SATL1: variants seen among roughly 807,000 people sequenced by gnomAD.
SATL1 encodes the protein spermidine/spermine N(1)-acetyltransferase-like protein 1.
A neutral mutation model predicts 51.8 loss-of-function variants in SATL1; 47 were observed. That is an observed-to-expected ratio of 0.91 (90% confidence interval 0.72 to 1.16). The LOEUF (loss-of-function observed/expected upper bound fraction) is 1.16, where lower values mean the gene tolerates loss of function less well. Among genes scored for constraint, SATL1 ranks in the 50% most tolerant of loss-of-function variants. The pLI, the probability that SATL1 is intolerant of heterozygous loss-of-function variation, is 0.00. For missense variants in SATL1, 520 were observed against 526.4 expected (o/e 0.99, Z 0.12); for synonymous variants, 176 against 182.4 (o/e 0.97, Z 0.28).
At chrX:85,147,550 C>T (rs1383032010) in intron 2 of SATL1, among the ~76,000 whole-genome samples, 1 of 113,029 alleles carries the variant, frequency 8.8e-6, no homozygotes, top group Non-Finnish European at 1.9e-5. Context: ...GACCCCCGAG[C>T]AGCCTAACTA....
chrX:85,213,777 T>C (rs781405929), intron 2 of SATL1, among the ~76,000 whole-genome samples: 1 of 111,641 alleles, frequency 9.0e-6, no homozygotes, highest in South Asian at 3.7e-4. Flanking sequence ...ATATATCATC[T>C]ATGAGGACAA....
At chrX:85,170,278 T>C (rs1181851999) in intron 2 of SATL1, among the ~76,000 whole-genome samples, 1 of 110,950 alleles carries the variant, frequency 9.0e-6, no homozygotes, top group African/African-American at 3.3e-5. Context: ...GAACTTAAAA[T>C]AAAAGTTTAA....
At chrX:85,223,547 AT>A (rs1357147019) in intron 2 of SATL1, among the ~76,000 whole-genome samples, 4 of 111,102 alleles carry the variant, frequency 3.6e-5, no homozygotes, top group African/African-American at 1.3e-4. Context: ...CATCATCCGA[AT>A]CCTGGATGAT....
chrX:85,125,127 T>C (rs1046537492), intron 2 of SATL1, among the ~76,000 whole-genome samples: 24 of 110,472 alleles, frequency 2.2e-4, no homozygotes, highest in South Asian at 7.8e-4. Context: ...TTTATAGTTA[T>C]TTTGAGAACT....
At chrX:85,119,149 T>A (rs1925450910) in intron 2 of SATL1, among the ~76,000 whole-genome samples, 1 of 111,026 alleles carries the variant, frequency 9.0e-6, no homozygotes. Flanking sequence ...AGGACCCCAA[T>A]TTCACAGATA....
chrX:85,142,184 TAGG>T (rs1434299594), intron 2 of SATL1, among the ~76,000 whole-genome samples: 1 of 106,112 alleles, frequency 9.4e-6, no homozygotes, highest in Non-Finnish European at 1.9e-5. Flanking sequence ...AACACGAGGT[TAGG>T]AGATCGAGAC....
intron 2 of SATL1, among the ~76,000 whole-genome samples, chrX:85,166,655 G>C (rs1197398512): frequency 9.1e-6 from 1 of 110,219 alleles, no homozygotes; most frequent in Non-Finnish European, 1.9e-5. Flanking sequence ...TGGTGAAAAG[G>C]GTACACTTTT....
intron 2 of SATL1, among the ~76,000 whole-genome samples, chrX:85,195,879 T>TA (rs1927548532): frequency 9.0e-6 from 1 of 110,843 alleles, no homozygotes; most frequent in Non-Finnish European, 1.9e-5. Flanking sequence ...CGTTCAGAAC[T>TA]GCATTTGACA....
chrX:85,127,604 G>A (rs1925657732), intron 2 of SATL1, among the ~76,000 whole-genome samples: 1 of 111,136 alleles, frequency 9.0e-6, no homozygotes, highest in African/African-American at 3.3e-5. Context: ...TTTTGTTACT[G>A]GACTTTTTCA....
rs191730083 is a variant in SATL1, at chrX:85,095,319, C to G, written c.1694-323G>C. ...TGCTGGAGCAAGGGTGACCAATAAA[C>G]CTCTTGTCCTCAAAATACTGAAGTT... On this transcript the variant is annotated intron_variant, in intron 4 of 7. Coordinates refer to ENST00000644105, the MANE Select transcript of SATL1 (RefSeq NM_001367857.2). Among the ~76,000 whole-genome samples the G allele has an allele frequency of 2.9e-4, 32 of 111,390 alleles. 1 individual carries two copies. The highest frequency in any genetic ancestry group is 4.9e-4 in the Non-Finnish European group (26 of 53,027).
chrX:85,204,431 A>G (rs1461798868), intron 2 of SATL1, among the ~76,000 whole-genome samples: 2 of 111,855 alleles, frequency 1.8e-5, no homozygotes, highest in African/African-American at 6.5e-5. Flanking sequence ...CTTGCTATAC[A>G]TTTATGGCTT....
At position 85,111,764 on chromosome X, in the gene SATL1, GCATT is replaced by G. The variant is rs972739997; in HGVS notation, c.-312-2488_-312-2485del. Among the ~76,000 whole-genome samples, 3 of 111,992 alleles carry G rather than the reference GCATT, an allele frequency of 2.7e-5. No individual in the cohort carries two copies. The Admixed American group carries it at 2.9e-4, about 11-fold the overall frequency. ...TTTTCTAAAACTTCAAAATGTACATGCATTGTCTGCTCTACCAAAATGTTTTGAA... is the reference window on the plus strand; with the variant it reads ...TTTTCTAAAACTTCAAAATGTACATGGTCTGCTCTACCAAAATGTTTTGAA... On this transcript the variant is annotated intron_variant, in intron 2 of 7. Transcript: ENST00000644105.
chrX:85,131,981 G>C (rs1323077930), intron 2 of SATL1, among the ~76,000 whole-genome samples: 1 of 111,662 alleles, frequency 9.0e-6, no homozygotes, highest in African/African-American at 3.3e-5. Context: ...CTGGCCCCCA[G>C]TCTCTTCTGG....
At chrX:85,221,406 T>A (rs191529266) in intron 2 of SATL1, among the ~76,000 whole-genome samples, 49 of 111,976 alleles carry the variant, frequency 4.4e-4, no homozygotes, top group Middle Eastern at 4.6e-3. Context: ...CTTTAGGTAG[T>A]TTAGTAACTT....
chrX:85,101,587 T>G lies in SATL1; in HGVS notation c.1693+2277A>C, dbSNP rs187431237. Among the ~76,000 whole-genome samples the G allele has an allele frequency of 1.3e-4, 14 of 111,811 alleles. No homozygotes were observed. In the East Asian group the frequency reaches 2.0e-3, roughly 16 times the overall value. On this transcript the variant is annotated intron_variant, in intron 4 of 7. Coordinates refer to ENST00000644105, the MANE Select transcript of SATL1 (RefSeq NM_001367857.2). ...CCCTTGTGCTTTGCTAATGAGAATG[T>G]AAAATGATGCAGCTGTTGTGGAAAA...
At chrX:85,127,379 T>C (rs1441068467) in intron 2 of SATL1, among the ~76,000 whole-genome samples, 1 of 111,713 alleles carries the variant, frequency 9.0e-6, no homozygotes, top group Non-Finnish European at 1.9e-5. Context: ...ATGTAGGTTG[T>C]ATTATTATTC....
chrX:85,172,956 A>T (rs2147735654), intron 2 of SATL1, among the ~76,000 whole-genome samples: 1 of 111,627 alleles, frequency 9.0e-6, no homozygotes, highest in African/African-American at 3.2e-5. Context: ...AAATTTCTTA[A>T]TTTTTATTCT....
At chrX:85,225,118 G>C (rs745852636) in intron 1 of SATL1, among the ~76,000 whole-genome samples, 1 of 111,813 alleles carries the variant, frequency 8.9e-6, no homozygotes, top group South Asian at 3.7e-4. Flanking sequence ...ATTGAGTTAG[G>C]GGGGTGGGAG....
intron 2 of SATL1, among the ~76,000 whole-genome samples, chrX:85,179,692 A>G (rs1307390929): frequency 8.1e-5 from 9 of 110,909 alleles, no homozygotes; most frequent in Non-Finnish European, 1.5e-4. Flanking sequence ...TTTCCTATAT[A>G]TAGGATATCT....
Sources: gnomAD v4.1 joint callset for allele counts (sites outside exome capture counted in the v4.1 genomes callset) on GRCh38, gnomAD v4.1.1 for gene constraint, MANE v1.5 for transcripts, NCBI Gene and HGNC (gene_info 2026-07-23, HGNC 2026-07-21) for gene names.